DIXDC1: variants seen among roughly 807,000 people sequenced by gnomAD.
DIXDC1 encodes the protein DIX domain containing 1.
A neutral mutation model predicts 103.1 loss-of-function variants in DIXDC1; 64 were observed. The ratio of observed to expected loss-of-function variants is 0.62; its 90% CI spans 0.51 to 0.76. DIXDC1 has a LOEUF of 0.76. Ranked by LOEUF, DIXDC1 falls within the 30% of genes least tolerant of loss-of-function variation. The probability of loss-of-function intolerance (pLI) is 0.00; values close to 1 mark genes in which losing one functional copy is unlikely to be tolerated. For missense variants in DIXDC1, 759 were observed against 834.2 expected, an observed-to-expected ratio of 0.91 and a Z score of 1.11; for synonymous variants, 266 against 298.5, an observed-to-expected ratio of 0.89 and a Z score of 1.12.
At position 111,975,028 on chromosome 11, in the gene DIXDC1, T is replaced by G. The variant is rs782405950; in HGVS notation, c.656+45T>G. ...CCTGAATTCTGGAGGATTCTCGGAG[T>G]TCTCGGCTTCAAGTAACAATACAAC... On this transcript the variant is annotated intron_variant, in intron 5 of 19. Transcript: ENST00000440460. 6 of 1,575,440 alleles carry G rather than the reference T, an allele frequency of 3.8e-6. No homozygotes were observed. The Admixed American group carries it at 1.1e-4, about 29-fold the overall frequency.
chr11:111,987,454 G>A (rs114953862), intron 9 of DIXDC1, among the ~76,000 whole-genome samples: 2,141 of 152,060 alleles, frequency 0.014, 50 homozygotes, highest in African/African-American at 0.049. Context: ...CATTCTATAT[G>A]TTTGAAATAT....
At chr11:111,927,793 G>A (rs587650415) in intron 1 of DIXDC1, among the ~76,000 whole-genome samples, 1 of 152,050 alleles carries the variant, frequency 6.6e-6, no homozygotes, top group East Asian at 1.9e-4. Flanking sequence ...GAGGCGGGCG[G>A]ATCACTGAGG....
chr11:112,016,526 GT>G (rs1861595696), intron 17 of DIXDC1, among the ~76,000 whole-genome samples, 164 bp from the exon 18 acceptor site: 1 of 152,122 alleles, frequency 6.6e-6, no homozygotes, highest in Non-Finnish European at 1.5e-5. Flanking sequence ...TCTTGTCCTC[GT>G]GGTCCTAGGC....
At chr11:111,957,009 AAAT>A (rs142505123) in intron 1 of DIXDC1, among the ~76,000 whole-genome samples, 4 of 151,798 alleles carry the variant, frequency 2.6e-5, no homozygotes, top group Admixed American at 6.6e-5. Context: ...TCTATAAAAA[AAAT>A]AATAATAATA....
intron 1 of DIXDC1, among the ~76,000 whole-genome samples, chr11:111,962,133 C>G (rs1183801927): frequency 6.6e-6 from 1 of 152,084 alleles, no homozygotes; most frequent in Non-Finnish European, 1.5e-5. Flanking sequence ...TCTGTGGTAT[C>G]TGAGAGGTCA....
At chr11:111,991,534 G>A (rs1860713176) in intron 10 of DIXDC1, among the ~76,000 whole-genome samples, 2 of 152,210 alleles carry the variant, frequency 1.3e-5, no homozygotes, top group Admixed American at 6.5e-5. Flanking sequence ...TCTGTAAAGA[G>A]AGAAAAGTCA....
chr11:111,995,530 A>G lies in DIXDC1; in HGVS notation c.1655A>G (p.His552Arg). The change falls in exon 16 of 20, where the codon CAT becomes CGT. Residue 552 changes from histidine to arginine, a missense_variant. By Grantham distance (29) the His-to-Arg change is conservative (BLOSUM62 0). Transcript: ENST00000440460. ...ATTTCTAGCCTCATGGAGCGCCTGC[A>G]TGTTATGGAGACGCAGAAGAAACAA... ...QGISSLMERL[H>R]VMETQKKQER... 1.2e-6 allele frequency: 2 copies of G among 1,614,022 alleles called. No homozygotes were observed. The highest frequency in any genetic ancestry group is 8.5e-7 in the Non-Finnish European group (1 of 1,179,910).
chr11:111,999,488 A>C (rs1555175764), intron 17 of DIXDC1, among the ~76,000 whole-genome samples: 1 of 152,248 alleles, frequency 6.6e-6, no homozygotes, highest in Non-Finnish European at 1.5e-5. Context: ...AGTTCTTAGA[A>C]GAAAACATAG....
chr11:111,932,027 C>CTTT lies in DIXDC1; in HGVS notation c.57+2137_57+2139dup, dbSNP rs59805759. Reference sequence around the variant, plus strand: ...ACCCACAGGCTAGCTGGCAGATAACCTTTTTTTTTTTTTTTTTTTTTTGAG... The same window carrying CTTT: ...ACCCACAGGCTAGCTGGCAGATAACCTTTTTTTTTTTTTTTTTTTTTTTTTGAG... On this transcript the variant is annotated intron_variant, in intron 2 of 5. Coordinates refer to the DIXDC1 transcript ENST00000529225. Among the ~76,000 whole-genome samples, 184 of 99,154 alleles carry CTTT rather than the reference C, an allele frequency of 1.9e-3. 2 individuals carry two copies. The highest frequency in any genetic ancestry group is 6.9e-3 in the African/African-American group (155 of 22,598). The allele number at this position is 99,154 out of a possible 152,430, so 65.0% of individuals were successfully genotyped here.
Position 111,980,693 on chromosome 11 carries a change from A to G in DIXDC1, c.657-44A>G, listed in dbSNP as rs782111346. ...AATTATGAAAGCTGCTTTCTGAACA[A>G]CTCTTCATAATAATCGTTTTTCTTC... On this transcript the variant is annotated intron_variant, in intron 5 of 19. Transcript: ENST00000440460. The G allele has an allele frequency of 1.4e-5, 22 of 1,520,668 alleles. No homozygotes were observed. In the South Asian group the frequency reaches 1.7e-4, roughly 12 times the overall value. 94.2% of individuals were successfully genotyped at this position (1,520,668 alleles called of 1,614,324 possible). A position where few individuals can be genotyped will look rare whatever the true frequency, so the allele number is the denominator to read the frequency against.
chr11:112,016,504 G>A lies in DIXDC1; in HGVS notation c.1757-187G>A, dbSNP rs587601531. Among the ~76,000 whole-genome samples, 15 of 152,296 alleles carry A rather than the reference G, an allele frequency of 9.8e-5. No individual in the cohort carries two copies. In the East Asian group the frequency reaches 2.5e-3, roughly 25 times the overall value. ...GATGAGTCCTCGCGATCGTGTCCAT[G>A]TCTGAAGCAAGTCTTGTCCTCGTGG... is the stretch of plus-strand genomic sequence containing the variant. On this transcript the variant is annotated intron_variant, in intron 17 of 19. Transcript: ENST00000440460.
chr11:111,933,154 G>A (rs1031476840), upstream of DIXDC1, among the ~76,000 whole-genome samples: 3 of 152,108 alleles, frequency 2.0e-5, no homozygotes, highest in Non-Finnish European at 4.4e-5. Flanking sequence ...TTGAGACGGA[G>A]TTACGCTCTT....
intron 8 of DIXDC1, among the ~76,000 whole-genome samples, chr11:111,986,634 G>A (rs587672738): frequency 6.6e-6 from 1 of 152,070 alleles, no homozygotes; most frequent in South Asian, 2.1e-4. Context: ...AAAGTGCTGG[G>A]ATTACAGATG....
intron 10 of DIXDC1, among the ~76,000 whole-genome samples, chr11:111,991,134 T>G (rs782704608): frequency 1.3e-5 from 2 of 152,222 alleles, no homozygotes; most frequent in Non-Finnish European, 2.9e-5. Context: ...GACTATTCAC[T>G]CAGCAACATT....
chr11:111,943,748 C>T (rs1228109169), intron 1 of DIXDC1, among the ~76,000 whole-genome samples: 1 of 152,102 alleles, frequency 6.6e-6, no homozygotes, highest in East Asian at 1.9e-4. Flanking sequence ...GATCCGCCCA[C>T]CTCAGCCTCC....
intron 5 of DIXDC1, among the ~76,000 whole-genome samples, chr11:111,978,907 A>T (rs960909477): frequency 6.6e-6 from 1 of 152,228 alleles, no homozygotes; most frequent in Admixed American, 6.5e-5. Flanking sequence ...TGTGAATGAC[A>T]TAGTACACTT....
chr11:111,989,280 G>A (rs924888304), intron 10 of DIXDC1, among the ~76,000 whole-genome samples: 1 of 152,172 alleles, frequency 6.6e-6, no homozygotes. Context: ...ATTTCCATCT[G>A]TTCCACCCTG....
chr11:111,955,636 G>A (rs1966900693), intron 1 of DIXDC1, among the ~76,000 whole-genome samples: 1 of 150,092 alleles, frequency 6.7e-6, no homozygotes, highest in South Asian at 2.1e-4. Flanking sequence ...TGAGTTTGAG[G>A]TCAGCCTGGC....
chr11:111,963,065 C>G (rs1555171202), intron 1 of DIXDC1, among the ~76,000 whole-genome samples: 1 of 152,188 alleles, frequency 6.6e-6, no homozygotes, highest in Non-Finnish European at 1.5e-5. Flanking sequence ...TCTGCTATGT[C>G]CTAGCTATGG....
Sources: allele counts gnomAD v4.1 joint callset (sites outside exome capture counted in the v4.1 genomes callset), GRCh38; gene constraint gnomAD v4.1.1; transcripts MANE v1.5; gene names NCBI Gene and HGNC (gene_info 2026-07-23, HGNC 2026-07-21).